The following RALYL variants were observed in gnomAD, a reference collection of about 807,000 sequenced individuals.
The protein encoded by RALYL is RALY RNA binding protein like.
Under a neutral mutation model 35.1 loss-of-function variants are expected in RALYL, and 29 were observed. The ratio of observed to expected loss-of-function variants is 0.83; its 90% confidence interval spans 0.61 to 1.13. The LOEUF (loss-of-function observed/expected upper bound fraction) is 1.13, where lower values mean the gene tolerates loss of function less well. Among genes scored for constraint, RALYL ranks in the 50% most tolerant of loss-of-function variants. The probability of loss-of-function intolerance (pLI) is 0.00; values close to 1 mark genes in which losing one functional copy is unlikely to be tolerated. For missense variants in RALYL, 359 were observed against 360.4 expected, an observed-to-expected ratio of 1.00 and a Z score of 0.03; for synonymous variants, 120 against 127.6, an observed-to-expected ratio of 0.94 and a Z score of 0.40.
rs111429632 is a variant in RALYL at position 84,366,110 on chromosome 8, G to A, written c.-23-163189G>A. Among the ~76,000 whole-genome samples the A allele has an allele frequency of 9.7e-3, 1,473 of 152,298 alleles. 25 individuals carry two copies. Among genetic ancestry groups the A allele is most frequent in the African/African-American group, 0.034 (1,411 of 41,558 alleles). On this transcript the variant is annotated intron_variant, in intron 1 of 8. Transcript: ENST00000521268. ...TTATGCTCTGTTGTCTGGTGCCAGA[G>A]AGAGAGAGAGCAATTAACTGTAATT...
At chr8:84,891,005 A>G (rs555826398) in intron 8 of RALYL, among the ~76,000 whole-genome samples, 1 of 152,264 alleles carries the variant, frequency 6.6e-6, no homozygotes, top group East Asian at 1.9e-4. Flanking sequence ...AGAAAGAGGA[A>G]CTAAATGAAT....
chr8:84,480,266 A>G (rs1402806647), intron 1 of RALYL, among the ~76,000 whole-genome samples: 4 of 152,152 alleles, frequency 2.6e-5, no homozygotes, highest in Non-Finnish European at 5.9e-5. Flanking sequence ...CAAAGAGTGC[A>G]CTTTGTTCTG....
intron 1 of RALYL, among the ~76,000 whole-genome samples, chr8:84,190,629 G>A (rs1813624697): frequency 1.3e-5 from 2 of 152,174 alleles, no homozygotes; most frequent in African/African-American, 4.8e-5. Context: ...AACAAAACAA[G>A]AGAAAGTAGT....
intron 1 of RALYL, among the ~76,000 whole-genome samples, chr8:84,514,090 T>TAAAAAAAAAAAAAAA (rs57881021): frequency 7.3e-5 from 3 of 41,174 alleles, no homozygotes; most frequent in Admixed American, 3.1e-4. Flanking sequence ...AGATTTCATC[T>TAAAAAAAAAAAAAAA]AAAAAAAAAA....
chr8:84,776,352 A>C (rs1043149629), intron 3 of RALYL, among the ~76,000 whole-genome samples: 1 of 152,200 alleles, frequency 6.6e-6, no homozygotes, highest in African/African-American at 2.4e-5. Context: ...TGAAAAATAC[A>C]TCATAATTTC....
chr8:84,477,506 A>G (rs2053563014), intron 1 of RALYL, among the ~76,000 whole-genome samples: 1 of 149,700 alleles, frequency 6.7e-6, no homozygotes, highest in African/African-American at 2.4e-5. Context: ...CATTCAATAT[A>G]TATATCAAAT....
At chr8:84,844,765 T>C (rs4327862) in intron 4 of RALYL, among the ~76,000 whole-genome samples, 2,945 of 152,336 alleles carry the variant, frequency 0.019, 41 homozygotes, top group Middle Eastern at 0.041. Flanking sequence ...GTGGCACATA[T>C]ACAGCATGGA....
intron 2 of RALYL, among the ~76,000 whole-genome samples, chr8:84,604,880 AG>A (rs375764903): frequency 4.2e-4 from 64 of 152,270 alleles, no homozygotes; most frequent in African/African-American, 1.5e-3. Flanking sequence ...AATGTATAAA[AG>A]CAGAATGGTA....
chr8:84,430,298 C>T (rs909099120), intron 1 of RALYL, among the ~76,000 whole-genome samples: 7 of 152,070 alleles, frequency 4.6e-5, no homozygotes, highest in Non-Finnish European at 1.0e-4. Context: ...TTTTCCTCTA[C>T]CGTGCAGTAA....
intron 2 of RALYL, among the ~76,000 whole-genome samples, chr8:84,573,662 C>T (rs1383558690): frequency 6.6e-6 from 1 of 151,774 alleles, no homozygotes; most frequent in Non-Finnish European, 1.5e-5. Context: ...GTATGTTTAA[C>T]ATCTTGATAT....
chr8:84,303,908 G>A (rs528892609), intron 1 of RALYL, among the ~76,000 whole-genome samples: 2 of 151,360 alleles, frequency 1.3e-5, no homozygotes, highest in South Asian at 4.2e-4. Context: ...TCTTTTTATT[G>A]GAATTCTATT....
chr8:84,320,419 TGTATG>T (rs1224852409), intron 1 of RALYL, among the ~76,000 whole-genome samples: 2 of 151,690 alleles, frequency 1.3e-5, no homozygotes, highest in African/African-American at 4.9e-5. Flanking sequence ...CATATATGTG[TGTATG>T]TGTATATACA....
At chr8:84,704,250 C>T (rs1431461808) in intron 2 of RALYL, among the ~76,000 whole-genome samples, 1 of 152,008 alleles carries the variant, frequency 6.6e-6, no homozygotes, top group African/African-American at 2.4e-5. Context: ...CATGGCGAAA[C>T]CCTGTCTCTA....
At chr8:84,346,977 A>C (rs1849949188) in intron 1 of RALYL, among the ~76,000 whole-genome samples, 1 of 152,054 alleles carries the variant, frequency 6.6e-6, no homozygotes, top group Admixed American at 6.6e-5. Context: ...AGGCAGGTGC[A>C]TCATAAGGTC....
intron 1 of RALYL, among the ~76,000 whole-genome samples, chr8:84,208,498 T>G (rs142532174): frequency 0.019 from 2,945 of 152,262 alleles, 33 homozygotes; most frequent in African/African-American, 0.033. Flanking sequence ...TGATGGTTCT[T>G]AATGCCCTCG....
chr8:84,237,620 T>A (rs1826878188), intron 1 of RALYL, among the ~76,000 whole-genome samples: 1 of 152,128 alleles, frequency 6.6e-6, no homozygotes, highest in Non-Finnish European at 1.5e-5. Context: ...ACAGACCAAT[T>A]TTCTTGTTAT....
intron 5 of RALYL, among the ~76,000 whole-genome samples, chr8:84,856,810 T>C (rs948409977): frequency 6.6e-6 from 1 of 150,810 alleles, no homozygotes; most frequent in East Asian, 1.9e-4. Flanking sequence ...GGGTGGATCA[T>C]GAGGTCAGGA....
At chr8:84,645,704 C>A (rs187280708) in intron 2 of RALYL, among the ~76,000 whole-genome samples, 477 of 152,186 alleles carry the variant, frequency 3.1e-3, no homozygotes, top group African/African-American at 0.011. Flanking sequence ...TAGCAGATTC[C>A]TTTGAAAGGA....
At chr8:84,210,755 AG>A (rs1819302132) in intron 1 of RALYL, among the ~76,000 whole-genome samples, 1 of 152,082 alleles carries the variant, frequency 6.6e-6, no homozygotes, top group African/African-American at 2.4e-5. Context: ...TTTTTCAGCA[AG>A]GCTCTATGCC....
Sources: allele counts gnomAD v4.1 joint callset (sites outside exome capture counted in the v4.1 genomes callset), GRCh38; gene constraint gnomAD v4.1.1; transcripts MANE v1.5; gene names NCBI Gene and HGNC (gene_info 2026-07-23, HGNC 2026-07-21).